The following IMMP2L variants were observed in gnomAD, a reference collection of about 807,000 sequenced individuals.
IMMP2L encodes the protein mitochondrial inner membrane protease subunit 2.
Under a neutral mutation model 19.3 loss-of-function variants are expected in IMMP2L, and 18 were observed. The ratio of observed to expected loss-of-function variants is 0.93; its 90% CI spans 0.64 to 1.38. The LOEUF (loss-of-function observed/expected upper bound fraction) is 1.38. IMMP2L is among the 40% of genes most tolerant of loss of function. The probability of loss-of-function intolerance (pLI) is 0.00; values close to 1 mark genes in which losing one functional copy is unlikely to be tolerated. For synonymous variants in IMMP2L, 76 were observed against 73.0 expected (o/e 1.04, Z -0.21); for missense variants, 233 against 218.2 (o/e 1.07, Z -0.43).
chr7:111,134,096 G>C (rs541738394), intron 3 of IMMP2L, among the ~76,000 whole-genome samples: 5 of 152,030 alleles, frequency 3.3e-5, no homozygotes, highest in South Asian at 4.2e-4. Context: ...TTTTAAGATT[G>C]ACCTAGTTCT....
intron 3 of IMMP2L, among the ~76,000 whole-genome samples, chr7:111,090,618 A>G (rs2129577750): frequency 6.6e-6 from 1 of 152,142 alleles, no homozygotes; most frequent in South Asian, 2.1e-4. Flanking sequence ...CTAAAAAAAA[A>G]AAAAAAAAAG....
rs150820964 is a variant in IMMP2L at position 111,236,714 on chromosome 7, C to T, written c.239+250524G>A. Among the ~76,000 whole-genome samples, 627 of 152,224 alleles carry T rather than the reference C, an allele frequency of 4.1e-3. 9 individuals are homozygous for T. The highest frequency in any genetic ancestry group is 0.015 in the African/African-American group (606 of 41,554). On this transcript the variant is annotated intron_variant, in intron 3 of 5. Transcript: ENST00000405709. ...CTAGCCACCTGGACTTCCCCAGACT[C>T]CCAACTCTGTCTCGTCAACCCTAGA... is the stretch of plus-strand genomic sequence containing the variant.
intron 3 of IMMP2L, among the ~76,000 whole-genome samples, chr7:111,159,274 C>G (rs1384408076): frequency 6.6e-6 from 1 of 152,054 alleles, no homozygotes; most frequent in Non-Finnish European, 1.5e-5. Flanking sequence ...TGCCACCACG[C>G]CCAGCTAATT....
intron 5 of IMMP2L, among the ~76,000 whole-genome samples, chr7:110,813,744 C>A (rs1802221120): frequency 3.8e-5 from 1 of 26,586 alleles, no homozygotes; most frequent in African/African-American, 1.2e-4. Flanking sequence ...GCAAACACAC[C>A]AGGATTTTTT....
chr7:111,410,510 C>T (rs1187125235), intron 3 of IMMP2L, among the ~76,000 whole-genome samples: 2 of 150,806 alleles, frequency 1.3e-5, no homozygotes, highest in Non-Finnish European at 2.9e-5. Flanking sequence ...ATATTCAATG[C>T]CTAACAGTGA....
chr7:110,782,786 A>G (rs1799823416), intron 5 of IMMP2L, among the ~76,000 whole-genome samples: 1 of 151,948 alleles, frequency 6.6e-6, no homozygotes, highest in East Asian at 1.9e-4. Flanking sequence ...GCTATGTACA[A>G]AACTATCACA....
intron 3 of IMMP2L, among the ~76,000 whole-genome samples, chr7:111,380,417 G>A (rs1700699720): frequency 6.6e-6 from 1 of 151,952 alleles, no homozygotes; most frequent in Non-Finnish European, 1.5e-5. Flanking sequence ...CACTCAGAAT[G>A]CAATAGAAGC....
intron 5 of IMMP2L, among the ~76,000 whole-genome samples, chr7:110,773,599 C>T (rs985699869): frequency 2.0e-5 from 3 of 152,012 alleles, no homozygotes; most frequent in Non-Finnish European, 4.4e-5. Flanking sequence ...ACTGTATTTC[C>T]CAAAGAGTTA....
Position 110,865,845 on chromosome 7 carries a change from C to A in IMMP2L, c.408+20748G>T, listed in dbSNP as rs115597534. On this transcript the variant is annotated intron_variant, in intron 5 of 5. Transcript: ENST00000405709. ...AAGAACCCTACCTTTATTCTCCAAACTAATTTTTTTTTTTTGAGGAGAACA... is the reference window on the plus strand; with the variant it reads ...AAGAACCCTACCTTTATTCTCCAAAATAATTTTTTTTTTTTGAGGAGAACA... Among the ~76,000 whole-genome samples the A allele has an allele frequency of 4.5e-3, 679 of 151,320 alleles. 7 individuals are homozygous for A. The highest frequency in any genetic ancestry group is 0.016 in the African/African-American group (654 of 41,062).
intron 3 of IMMP2L, among the ~76,000 whole-genome samples, chr7:111,007,860 A>G (rs984862227): frequency 4.6e-5 from 7 of 152,002 alleles, no homozygotes; most frequent in Non-Finnish European, 1.0e-4. Flanking sequence ...CCAAACCAAA[A>G]GCCTGATTCC....
chr7:111,228,737 A>G (rs897719709), intron 3 of IMMP2L, among the ~76,000 whole-genome samples: 1 of 152,108 alleles, frequency 6.6e-6, no homozygotes, highest in African/African-American at 2.4e-5. Flanking sequence ...TTCTATAGTT[A>G]TTTGCAGAAG....
chr7:111,312,331 C>T (rs1233702446), intron 3 of IMMP2L, among the ~76,000 whole-genome samples: 1 of 152,118 alleles, frequency 6.6e-6, no homozygotes, highest in Non-Finnish European at 1.5e-5. Flanking sequence ...CCATGTCTAC[C>T]ATTCATGTCT....
chr7:110,922,126 A>G (rs1206375409), intron 4 of IMMP2L, among the ~76,000 whole-genome samples: 1 of 152,220 alleles, frequency 6.6e-6, no homozygotes, highest in Non-Finnish European at 1.5e-5. Flanking sequence ...AGATGCTACA[A>G]AAACAAAAAT....
At chr7:110,960,750 C>A (rs1469346428) in intron 4 of IMMP2L, among the ~76,000 whole-genome samples, 1 of 151,804 alleles carries the variant, frequency 6.6e-6, no homozygotes, top group South Asian at 2.1e-4. Context: ...TACTAATAGA[C>A]TTACCCCTGA....
chr7:110,698,781 C>T (rs1246419692), intron 5 of IMMP2L, among the ~76,000 whole-genome samples: 1 of 152,176 alleles, frequency 6.6e-6, no homozygotes, highest in Admixed American at 6.5e-5. Flanking sequence ...TATCTTTCCA[C>T]CACATCATTT....
intron 3 of IMMP2L, among the ~76,000 whole-genome samples, chr7:111,350,378 T>A (rs1332089584): frequency 1.3e-5 from 2 of 151,588 alleles, no homozygotes; most frequent in Non-Finnish European, 2.9e-5. Context: ...TAGTTGGACT[T>A]ATCTTTATTT....
intron 3 of IMMP2L, among the ~76,000 whole-genome samples, chr7:111,435,027 A>G (rs1046486701): frequency 1.3e-5 from 2 of 151,982 alleles, no homozygotes; most frequent in Non-Finnish European, 2.9e-5. Flanking sequence ...TAAAAATCCT[A>G]AAAACAATAG....
intron 3 of IMMP2L, among the ~76,000 whole-genome samples, chr7:111,420,328 A>T (rs930915577): frequency 2.0e-5 from 3 of 151,836 alleles, no homozygotes. Context: ...TCACAAAAGA[A>T]ATTCCGAACT....
intron 5 of IMMP2L, among the ~76,000 whole-genome samples, chr7:110,841,324 T>C (rs765509098): frequency 5.9e-5 from 9 of 151,990 alleles, no homozygotes; most frequent in Non-Finnish European, 8.8e-5. Flanking sequence ...TTTAATACAA[T>C]TAAATGTTTT....
Sources: gnomAD v4.1 joint callset for allele counts (sites outside exome capture counted in the v4.1 genomes callset) on GRCh38, gnomAD v4.1.1 for gene constraint, MANE v1.5 for transcripts, NCBI Gene and HGNC (gene_info 2026-07-23, HGNC 2026-07-21) for gene names.